Variants in CNTNAP2 observed in about 807,000 individuals in gnomAD.
The protein encoded by CNTNAP2 is contactin associated protein 2, also known as contactin-associated protein-like 2.
In CNTNAP2, 98 loss-of-function variants were observed where a neutral mutation model predicts 155.2. That is an observed-to-expected ratio of 0.63 (90% CI 0.54 to 0.75). The LOEUF (loss-of-function observed/expected upper bound fraction) is 0.75. Among genes scored for constraint, CNTNAP2 ranks in the 30% least tolerant of loss-of-function variants. The pLI is 0.00. For missense variants in CNTNAP2, 1,727 were observed against 1,688.1 expected (o/e 1.02, Z -0.40); for synonymous variants, 651 against 631.2 (o/e 1.03, Z -0.47).
At chr7:148,035,739 C>A (rs972123575) in intron 15 of CNTNAP2, among the ~76,000 whole-genome samples, 1 of 152,114 alleles carries the variant, frequency 6.6e-6, no homozygotes, top group Non-Finnish European at 1.5e-5. Context: ...ACAACCCTGA[C>A]CCCAGACCTA....
intron 15 of CNTNAP2, among the ~76,000 whole-genome samples, chr7:148,078,212 T>C (rs993502603): frequency 1.3e-5 from 2 of 151,758 alleles, no homozygotes; most frequent in Non-Finnish European, 2.9e-5. Flanking sequence ...TACAGGTGCA[T>C]GCCAGCATGC....
chr7:147,731,151 A>G (rs1167855747), intron 13 of CNTNAP2, among the ~76,000 whole-genome samples: 1 of 152,186 alleles, frequency 6.6e-6, no homozygotes, highest in African/African-American at 2.4e-5. Context: ...GTTATCTAGA[A>G]GGTCTAGCTA....
At chr7:146,593,611 A>C (rs1798815411) in intron 1 of CNTNAP2, among the ~76,000 whole-genome samples, 1 of 152,116 alleles carries the variant, frequency 6.6e-6, no homozygotes. Flanking sequence ...AGTACTCATT[A>C]AATGTTTTGG....
intron 8 of CNTNAP2, among the ~76,000 whole-genome samples, chr7:147,191,294 T>G (rs1400286090): frequency 6.6e-6 from 1 of 152,188 alleles, no homozygotes; most frequent in Non-Finnish European, 1.5e-5. Context: ...GAAATGGAAT[T>G]CAGGGAGTAA....
chr7:147,757,401 G>A (rs1797226415), intron 13 of CNTNAP2, among the ~76,000 whole-genome samples: 2 of 152,138 alleles, frequency 1.3e-5, no homozygotes, highest in Admixed American at 6.5e-5. Context: ...TTCTGATGTT[G>A]TTTAGAGTTC....
intron 1 of CNTNAP2, among the ~76,000 whole-genome samples, chr7:146,141,947 G>C (rs952698569): frequency 6.6e-5 from 10 of 152,248 alleles, no homozygotes; most frequent in East Asian, 1.9e-4. Flanking sequence ...ATCTCAAAGA[G>C]GGCTCAGTAT....
chr7:147,159,130 G>A lies in CNTNAP2; in HGVS notation c.1348+26621G>A, dbSNP rs1405154852. 2.6e-5 allele frequency among the ~76,000 whole-genome samples: 4 copies of A among 151,968 alleles called. No individual in the cohort carries two copies. The South Asian group carries it at 8.3e-4, about 32-fold the overall frequency. Reference sequence around the variant, plus strand: ...AGGTATGAAACTGCACAACATCTTCGGGCAATTTTAGAGGTTTCTGAAGCA... The same window carrying A: ...AGGTATGAAACTGCACAACATCTTCAGGCAATTTTAGAGGTTTCTGAAGCA... On this transcript the variant is annotated intron_variant, in intron 8 of 23. Coordinates refer to ENST00000361727, the MANE Select transcript of CNTNAP2 (RefSeq NM_014141.6).
In CNTNAP2 at chr7:146,569,943, A is replaced by C. The variant is rs972457266; in HGVS notation, c.98-204328A>C. ...TGTAGCTTTCTATGGATCTGACAGT[A>C]GTTAAATGCATGAGCTCCCAAGGCC... On this transcript the variant is annotated intron_variant, in intron 1 of 23. Coordinates refer to ENST00000361727, the MANE Select transcript of CNTNAP2 (RefSeq NM_014141.6). 2.6e-5 allele frequency among the ~76,000 whole-genome samples: 4 copies of C among 152,198 alleles called. No homozygotes were observed. The South Asian group carries it at 8.3e-4, about 32-fold the overall frequency.
chr7:146,774,427 A>C, intron 2 of CNTNAP2, 46 bp downstream of exon 2: 1 of 1,314,658 alleles, frequency 7.6e-7, no homozygotes, highest in Non-Finnish European at 1.1e-6. Flanking sequence ...GTTAAATAAG[A>C]ACATGTTATA....
At chr7:146,558,414 T>C (rs1350271572) in intron 1 of CNTNAP2, among the ~76,000 whole-genome samples, 1 of 152,186 alleles carries the variant, frequency 6.6e-6, no homozygotes, top group Non-Finnish European at 1.5e-5. Flanking sequence ...GTACTTTTTT[T>C]TTAACCACTT....
chr7:146,190,772 C>A (rs540936924), intron 1 of CNTNAP2, among the ~76,000 whole-genome samples: 1 of 152,244 alleles, frequency 6.6e-6, no homozygotes, highest in African/African-American at 2.4e-5. Flanking sequence ...CCAATAGTGA[C>A]AGTGACCATT....
intron 8 of CNTNAP2, chr7:147,146,729 G>T (rs1801711928): frequency 6.6e-6 from 1 of 152,214 alleles, no homozygotes; most frequent in Non-Finnish European, 1.5e-5. Flanking sequence ...ACTGAAGTGG[G>T]TTCAGGAGGT....
intron 9 of CNTNAP2, among the ~76,000 whole-genome samples, chr7:147,310,179 C>T (rs1223965500): frequency 1.3e-5 from 2 of 152,072 alleles, no homozygotes; most frequent in African/African-American, 4.8e-5. Context: ...ATTATCATTA[C>T]AATTATTGTG....
At chr7:147,797,938 T>C (rs1292662582) in intron 13 of CNTNAP2, among the ~76,000 whole-genome samples, 1 of 152,202 alleles carries the variant, frequency 6.6e-6, no homozygotes, top group African/African-American at 2.4e-5. Context: ...TCAGTATCAA[T>C]AATTACCCTT....
intron 4 of CNTNAP2, among the ~76,000 whole-genome samples, chr7:147,060,592 G>C (rs570041139): frequency 1.9e-3 from 283 of 152,212 alleles, no homozygotes; most frequent in African/African-American, 6.5e-3. Flanking sequence ...GGCCGGGCGC[G>C]GTGGCTCACG....
chr7:146,343,189 C>T (rs553511556), intron 1 of CNTNAP2, among the ~76,000 whole-genome samples: 1 of 152,010 alleles, frequency 6.6e-6, no homozygotes, highest in Admixed American at 6.6e-5. Context: ...AGATGAACAA[C>T]AAATTTTATG....
chr7:147,517,660 A>T (rs927481888), intron 11 of CNTNAP2, among the ~76,000 whole-genome samples: 1 of 152,216 alleles, frequency 6.6e-6, no homozygotes, highest in East Asian at 1.9e-4. Flanking sequence ...TGTAAATAAG[A>T]CTACAGCACA....
chr7:147,547,539 T>C (rs1799761971), intron 11 of CNTNAP2, among the ~76,000 whole-genome samples: 1 of 152,166 alleles, frequency 6.6e-6, no homozygotes, highest in Non-Finnish European at 1.5e-5. Context: ...AGAACAGTAG[T>C]AACTCCTTTC....
chr7:146,260,789 C>T, intron 1 of CNTNAP2, among the ~76,000 whole-genome samples: 1 of 152,120 alleles, frequency 6.6e-6, no homozygotes, highest in Non-Finnish European at 1.5e-5. Context: ...TGGACTTTAA[C>T]TTTTGGGTTA....
Sources: allele counts gnomAD v4.1 joint callset (sites outside exome capture counted in the v4.1 genomes callset), GRCh38; gene constraint gnomAD v4.1.1; transcripts MANE v1.5; gene names NCBI Gene and HGNC (gene_info 2026-07-23, HGNC 2026-07-21).